Variants in ARL3 observed in about 807,000 individuals in gnomAD.
ARL3 encodes the protein ARF like GTPase 3, also known as ADP-ribosylation factor-like protein 3.
ARL3 carries 9 observed loss-of-function variants against 26.0 expected under a neutral mutation model. That is an observed-to-expected ratio of 0.35 (90% CI 0.21 to 0.60). ARL3 has a LOEUF of 0.60. Ranked by LOEUF, ARL3 falls within the 20% of genes least tolerant of loss-of-function variation. The pLI, the probability that ARL3 is intolerant of heterozygous loss-of-function variation, is 0.78. For synonymous variants in ARL3, 71 were observed against 78.4 expected (o/e 0.91, Z 0.50); for missense variants, 158 against 215.7 (o/e 0.73, Z 1.67).
intron 2 of ARL3, among the ~76,000 whole-genome samples, chr10:102,704,659 GAAATA>G (rs1425701839): frequency 3.9e-5 from 6 of 152,072 alleles, no homozygotes; most frequent in East Asian, 1.9e-4. Context: ...ATAATTTAAA[GAAATA>G]AAATAAAAAT....
At chr10:102,698,378 T>C (rs925975143) in intron 3 of ARL3, among the ~76,000 whole-genome samples, 3 of 152,136 alleles carry the variant, frequency 2.0e-5, no homozygotes, top group African/African-American at 7.2e-5. Flanking sequence ...CTGGTCTAGA[T>C]GATTTCTATT....
rs1444338830 is a variant in ARL3 at position 102,675,514 on chromosome 10, G to A, written c.*1380C>T. The A allele has an allele frequency of 1.3e-5, 2 of 152,320 alleles. No homozygotes were observed. Among genetic ancestry groups the A allele is most frequent in the East Asian group, 3.9e-4 (2 of 5,182 alleles). The allele number at this position is 152,320 out of a possible 1,614,324, so 9.4% of individuals were successfully genotyped here. A position where few individuals can be genotyped will look rare whatever the true frequency, so the allele number is the denominator to read the frequency against. ...TCTTATTCATTCTCTGAAAACCCCTGAGCTCAGGCACCAGAACAGAGTTTA... is the reference window on the plus strand; with the variant it reads ...TCTTATTCATTCTCTGAAAACCCCTAAGCTCAGGCACCAGAACAGAGTTTA... On this transcript the variant is annotated 3_prime_UTR_variant, in exon 6 of 6. Transcript: ENST00000260746.
At chr10:102,683,964 T>C (rs180830774) in intron 5 of ARL3, among the ~76,000 whole-genome samples, 210 of 152,336 alleles carry the variant, frequency 1.4e-3, no homozygotes, top group Middle Eastern at 6.8e-3. Context: ...CTAAGGCTGG[T>C]GGAAGATACA....
chr10:102,689,858 A>G, intron 4 of ARL3, 35 bp downstream of exon 4: 5 of 1,373,854 alleles, frequency 3.6e-6, no homozygotes, highest in Non-Finnish European at 5.1e-6. Context: ...ACATATATAT[A>G]TATAAGAACT....
chr10:102,682,292 T>G (rs2064159324), intron 5 of ARL3, among the ~76,000 whole-genome samples: 1 of 130,992 alleles, frequency 7.6e-6, no homozygotes, highest in Non-Finnish European at 1.7e-5. Context: ...TCTCGTGCCC[T>G]TTACCTACTC....
intron 2 of ARL3, among the ~76,000 whole-genome samples, chr10:102,702,692 T>C (rs2064286653): frequency 6.6e-6 from 1 of 152,104 alleles, no homozygotes; most frequent in Non-Finnish European, 1.5e-5. Flanking sequence ...CAAAAACTAG[T>C]GCTTCTTTTT....
chr10:102,677,113 C>T (rs865972317), intron 5 of ARL3, among the ~76,000 whole-genome samples, 172 bp from the exon 6 acceptor site: 1 of 152,062 alleles, frequency 6.6e-6, no homozygotes, highest in South Asian at 2.1e-4. Flanking sequence ...AGTGACCTCC[C>T]AGGAGGAGGA....
At chr10:102,683,294 C>G (rs548482699) in intron 5 of ARL3, among the ~76,000 whole-genome samples, 14 of 152,290 alleles carry the variant, frequency 9.2e-5, no homozygotes, top group African/African-American at 3.4e-4. Context: ...CAATAGACAG[C>G]AGATTCCCTT....
intron 1 of ARL3, among the ~76,000 whole-genome samples, chr10:102,708,908 A>ATATATATATATATATATATTTTTTTTTT: frequency 1.0e-5 from 1 of 95,350 alleles, no homozygotes; most frequent in African/African-American, 4.2e-5. Flanking sequence ...ATATATATAT[A>ATATATATATATATATATATTTTTTTTTT]TTTTTTTTTT....
At chr10:102,691,858 C>T (rs1590122895) in intron 3 of ARL3, among the ~76,000 whole-genome samples, 1 of 152,194 alleles carries the variant, frequency 6.6e-6, no homozygotes, top group Admixed American at 6.5e-5. Flanking sequence ...CCACCACCTT[C>T]ACTCTAAGCT....
intron 3 of ARL3, 24 bp downstream of exon 3, chr10:102,699,349 T>C: frequency 7.3e-7 from 1 of 1,365,756 alleles, no homozygotes. Context: ...TACTATGAAT[T>C]AGTGCGTCAG....
In ARL3 at chr10:102,685,631, CTGGGGCACTGT is replaced by C. The variant is rs1405551745; in HGVS notation, c.501+174_501+184del. On this transcript the variant is annotated intron_variant, in intron 5 of 5. Transcript: ENST00000260746. The stretch of plus-strand genomic sequence containing the variant: ...TTGCTGCACATGTGGGGTGGCTTAC[CTGGGGCACTGT>C]TGGGGCACCTCATGATATCTGATTG... 6.6e-5 allele frequency among the ~76,000 whole-genome samples: 10 copies of C among 152,258 alleles called. No homozygotes were observed. The East Asian group carries it at 1.9e-3, about 29-fold the overall frequency.
intron 3 of ARL3, among the ~76,000 whole-genome samples, chr10:102,692,153 C>G (rs2863715): frequency 1 from 152,065 of 152,334 alleles, 75,898 homozygotes; most frequent in East Asian, 1. Context: ...TATATTACAA[C>G]CAACTTGCAG....
chr10:102,691,661 C>T (rs1199222164), intron 3 of ARL3, among the ~76,000 whole-genome samples: 1 of 152,142 alleles, frequency 6.6e-6, no homozygotes, highest in African/African-American at 2.4e-5. Context: ...CAGCCTGGAT[C>T]AATTTGTCGA....
At chr10:102,677,367 G>C (rs896307556) in intron 5 of ARL3, among the ~76,000 whole-genome samples, 5 of 152,188 alleles carry the variant, frequency 3.3e-5, no homozygotes, top group Non-Finnish European at 7.3e-5. Context: ...CAGTGTGACA[G>C]TGTACACTTG....
At chr10:102,695,030 G>A (rs989460047) in intron 3 of ARL3, among the ~76,000 whole-genome samples, 9 of 152,152 alleles carry the variant, frequency 5.9e-5, no homozygotes, top group African/African-American at 1.7e-4. Flanking sequence ...ATGCTGTCTT[G>A]TTTACTTGCT....
rs1296412850 is a variant in ARL3, at chr10:102,708,912, T to A, written c.4-3423A>T. ...TATATATATATATATATATATATTT[T>A]TTTTTTTTTTGAGACAAGGTCTCAC... On this transcript the variant is annotated intron_variant, in intron 1 of 5. Coordinates refer to ENST00000260746, the MANE Select transcript of ARL3 (RefSeq NM_004311.4). Among the ~76,000 whole-genome samples, 369 of 82,780 alleles carry A rather than the reference T, an allele frequency of 4.5e-3. 4 individuals are homozygous for A. Among genetic ancestry groups the A allele is most frequent in the African/African-American group, 0.012 (248 of 21,064 alleles). 54.3% of individuals were successfully genotyped at this position (82,780 alleles called of 152,430 possible). A position where few individuals can be genotyped will look rare whatever the true frequency, so the allele number is the denominator to read the frequency against.
rs1473591695 is a variant in ARL3, at chr10:102,694,829, C to T, written c.264+4544G>A. 2.6e-5 allele frequency among the ~76,000 whole-genome samples: 4 copies of T among 152,126 alleles called. No homozygotes were observed. The East Asian group carries it at 7.7e-4, about 29-fold the overall frequency. On this transcript the variant is annotated intron_variant, in intron 3 of 5. Coordinates refer to ENST00000260746, the MANE Select transcript of ARL3 (RefSeq NM_004311.4). Reference sequence around the variant, plus strand: ...TGCCTCCTGGGTTCAAGCGATTCTCCTGTCTTAGCCTCCCGAGCAGCTGGG... The same window carrying T: ...TGCCTCCTGGGTTCAAGCGATTCTCTTGTCTTAGCCTCCCGAGCAGCTGGG...
Position 102,675,033 on chromosome 10 carries a change from T to C in ARL3, c.*1861A>G, listed in dbSNP as rs1456251032. 1 of 152,352 alleles carries C rather than the reference T, an allele frequency of 6.6e-6. No individual in the cohort carries two copies. The highest frequency in any genetic ancestry group is 1.9e-4 in the East Asian group (1 of 5,184). 9.4% of individuals were successfully genotyped at this position (152,352 alleles called of 1,614,324 possible). ...CAGATAACTTGTCCCTGCTGAACTA[T>C]TCGGAAGAAAAAACAATTTGCAAGT... On this transcript the variant is annotated 3_prime_UTR_variant, in exon 6 of 6. Transcript: ENST00000260746.
Sources: allele counts gnomAD v4.1 joint callset (sites outside exome capture counted in the v4.1 genomes callset), GRCh38; gene constraint gnomAD v4.1.1; transcripts MANE v1.5; gene names NCBI Gene and HGNC (gene_info 2026-07-23, HGNC 2026-07-21).